CCDC178: variants seen among roughly 807,000 people sequenced by gnomAD.
The protein encoded by CCDC178 is coiled-coil domain-containing protein 178.
CCDC178 carries 126 observed loss-of-function variants against 117.4 expected under a neutral mutation model. The observed-to-expected ratio is 1.07, with a 90% CI of 0.93 to 1.24. CCDC178 has a LOEUF of 1.24. CCDC178 is among the 50% of genes most tolerant of loss of function. The pLI, the probability that CCDC178 is intolerant of heterozygous loss-of-function variation, is 0.00. For synonymous variants in CCDC178, 283 were observed against 313.4 expected, an observed-to-expected ratio of 0.90 and a Z score of 1.02; for missense variants, 1,030 against 986.9, an observed-to-expected ratio of 1.04 and a Z score of -0.59.
At chr18:33,323,747 C>G in intron 10 of CCDC178, 114 bp from the exon 11 acceptor site, 1 of 600,572 alleles carries the variant, frequency 1.7e-6, no homozygotes, top group Non-Finnish European at 2.5e-6. Context: ...ACATTTTCTT[C>G]CCACATTTAG....
intron 5 of CCDC178, among the ~76,000 whole-genome samples, chr18:33,374,465 A>C (rs1329307550): frequency 6.6e-6 from 1 of 152,216 alleles, no homozygotes; most frequent in Non-Finnish European, 1.5e-5. Flanking sequence ...ATAATGCCTA[A>C]AATTATAAAG....
rs554694009 is a variant in CCDC178 at position 33,179,112 on chromosome 18, CTATA to C, written c.2238+32780_2238+32783del. Among the ~76,000 whole-genome samples, 17 of 43,516 alleles carry C rather than the reference CTATA, an allele frequency of 3.9e-4. No individual in the cohort carries two copies. In the South Asian group the frequency reaches 6.5e-3, roughly 17 times the overall value. The allele number at this position is 43,516 out of a possible 152,430, so 28.5% of individuals were successfully genotyped here. On this transcript the variant is annotated intron_variant, in intron 20 of 22. Transcript: ENST00000383096. ...ATATATATATATATATATATATAAA[CTATA>C]TATATATATATAAACTATATATATA...
At chr18:33,113,065 C>A (rs1203454858) in intron 20 of CCDC178, among the ~76,000 whole-genome samples, 1 of 151,860 alleles carries the variant, frequency 6.6e-6, no homozygotes, top group Non-Finnish European at 1.5e-5. Flanking sequence ...TCTTTAGAAG[C>A]CAAACTCTAA....
chr18:33,044,615 A>C (rs1020471626), intron 21 of CCDC178, among the ~76,000 whole-genome samples: 3 of 152,184 alleles, frequency 2.0e-5, no homozygotes, highest in Non-Finnish European at 4.4e-5. Flanking sequence ...AAAGCAGTAT[A>C]GAGATTTCTC....
At chr18:33,115,083 C>G (rs1411411505) in intron 20 of CCDC178, among the ~76,000 whole-genome samples, 2 of 152,018 alleles carry the variant, frequency 1.3e-5, no homozygotes, top group African/African-American at 2.4e-5. Flanking sequence ...ATTTCCCTCT[C>G]TAAAACAGTT....
chr18:33,248,421 CT>C (rs2059576128), intron 14 of CCDC178, among the ~76,000 whole-genome samples: 3 of 138,166 alleles, frequency 2.2e-5, no homozygotes, highest in East Asian at 2.5e-4. Context: ...ATCCCTCCCC[CT>C]TCCCTCACCC....
At chr18:33,261,729 G>T (rs1339420856) in intron 14 of CCDC178, among the ~76,000 whole-genome samples, 1 of 151,896 alleles carries the variant, frequency 6.6e-6, no homozygotes, top group Non-Finnish European at 1.5e-5. Context: ...ACCTTGATTA[G>T]TTATTTTATT....
At chr18:33,173,618 T>C (rs945061462) in intron 20 of CCDC178, among the ~76,000 whole-genome samples, 3 of 152,226 alleles carry the variant, frequency 2.0e-5, no homozygotes, top group African/African-American at 7.2e-5. Context: ...GTTACTATGT[T>C]TTCTCCAAGT....
At chr18:33,359,502 C>G (rs1406166036) in intron 6 of CCDC178, among the ~76,000 whole-genome samples, 1 of 151,448 alleles carries the variant, frequency 6.6e-6, no homozygotes, top group Non-Finnish European at 1.5e-5. Context: ...GCCTACAATT[C>G]CAGAGAAACA....
chr18:33,378,495 G>A (rs1223363968), intron 5 of CCDC178, among the ~76,000 whole-genome samples: 1 of 152,076 alleles, frequency 6.6e-6, no homozygotes, highest in African/African-American at 2.4e-5. Flanking sequence ...TAGTCAGAAT[G>A]GGCATGCTCA....
chr18:33,079,942 T>G (rs1463391432), intron 21 of CCDC178, among the ~76,000 whole-genome samples: 1 of 152,184 alleles, frequency 6.6e-6, no homozygotes, highest in Non-Finnish European at 1.5e-5. Context: ...CCCAGAGGAA[T>G]AGAAATCATT....
chr18:33,299,553 C>T (rs944384503), intron 11 of CCDC178, among the ~76,000 whole-genome samples: 25 of 150,022 alleles, frequency 1.7e-4, no homozygotes, highest in African/African-American at 5.9e-4. Context: ...AATGGTTCAA[C>T]ACATTGTCCT....
rs1192345669 is a variant in CCDC178 at position 33,033,255 on chromosome 18, GT to G, written c.2389-58575del. ...TTAGTGTTGTGAGTCTTAAATTTTG[GT>G]TTTTGTAGAGTTCAGGAAGTATCTT... On this transcript the variant is annotated intron_variant, in intron 21 of 22. Transcript: ENST00000383096. Among the ~76,000 whole-genome samples, 5 of 152,038 alleles carry G rather than the reference GT, an allele frequency of 3.3e-5. No homozygotes were observed. In the East Asian group the frequency reaches 5.8e-4, roughly 18 times the overall value.
At chr18:33,040,050 T>C (rs540267695) in intron 21 of CCDC178, among the ~76,000 whole-genome samples, 4 of 152,022 alleles carry the variant, frequency 2.6e-5, no homozygotes, top group African/African-American at 9.6e-5. Flanking sequence ...ATAAATATAG[T>C]ATTTCATGAT....
chr18:33,308,456 C>T (rs1376719822), intron 11 of CCDC178, among the ~76,000 whole-genome samples: 2 of 152,174 alleles, frequency 1.3e-5, no homozygotes, highest in Non-Finnish European at 2.9e-5. Flanking sequence ...TTTACAGGTT[C>T]ATGGGCAGAA....
intron 21 of CCDC178, among the ~76,000 whole-genome samples, chr18:33,047,458 A>G (rs1031739081): frequency 2.6e-5 from 4 of 152,172 alleles, no homozygotes; most frequent in African/African-American, 9.7e-5. Context: ...CAGCTTCCCA[A>G]TTGAGGCCTC....
intron 9 of CCDC178, among the ~76,000 whole-genome samples, chr18:33,345,201 C>T (rs1308101041): frequency 6.6e-6 from 1 of 152,028 alleles, no homozygotes; most frequent in Non-Finnish European, 1.5e-5. Flanking sequence ...AAAGCTCTTA[C>T]AAAACATGTG....
intron 10 of CCDC178, among the ~76,000 whole-genome samples, chr18:33,327,875 G>A (rs2062606126): frequency 6.6e-6 from 1 of 151,958 alleles, no homozygotes; most frequent in East Asian, 1.9e-4. Flanking sequence ...CAAATTAGAA[G>A]AGTTCCTCAT....
intron 11 of CCDC178, among the ~76,000 whole-genome samples, chr18:33,317,473 A>G (rs1327958115): frequency 6.6e-6 from 1 of 152,184 alleles, no homozygotes; most frequent in Non-Finnish European, 1.5e-5. Flanking sequence ...TCATTCTTGA[A>G]GTCAGTGAGA....
Sources: gnomAD v4.1 joint callset for allele counts (sites outside exome capture counted in the v4.1 genomes callset) on GRCh38, gnomAD v4.1.1 for gene constraint, MANE v1.5 for transcripts, NCBI Gene and HGNC (gene_info 2026-07-23, HGNC 2026-07-21) for gene names.